The following TPST1 variants were observed in gnomAD, a reference collection of about 807,000 sequenced individuals.
TPST1 encodes protein-tyrosine sulfotransferase 1.
TPST1 carries 20 observed loss-of-function variants against 34.8 expected under a neutral mutation model. The observed-to-expected ratio is 0.57, with a 90% confidence interval of 0.40 to 0.84. TPST1 has a LOEUF of 0.84. TPST1 is among the 40% of genes least tolerant of loss of function. The pLI, the probability that TPST1 is intolerant of heterozygous loss-of-function variation, is 0.00. For synonymous variants in TPST1, 152 were observed against 159.4 expected (o/e 0.95, Z 0.35); for missense variants, 353 against 455.5 (o/e 0.78, Z 2.05).
chr7:66,314,323 C>T (rs1791591504), intron 3 of TPST1, among the ~76,000 whole-genome samples: 1 of 152,116 alleles, frequency 6.6e-6, no homozygotes, highest in Non-Finnish European at 1.5e-5. Flanking sequence ...TCGCTTAAGC[C>T]CAGGAACTCA....
At chr7:66,244,080 G>A (rs137968671) in intron 2 of TPST1, among the ~76,000 whole-genome samples, 3,906 of 151,352 alleles carry the variant, frequency 0.026, 71 homozygotes, top group Non-Finnish European at 0.034. Context: ...TCCTGAGTAG[G>A]TGGGACTATA....
intron 2 of TPST1, among the ~76,000 whole-genome samples, chr7:66,274,281 C>T (rs1790763326): frequency 6.6e-6 from 1 of 151,342 alleles, no homozygotes; most frequent in African/African-American, 2.4e-5. Flanking sequence ...AGGAGAATGG[C>T]GTGAACCCGG....
intron 3 of TPST1, among the ~76,000 whole-genome samples, chr7:66,333,742 C>T (rs1792040359): frequency 1.3e-5 from 2 of 152,238 alleles, no homozygotes; most frequent in African/African-American, 2.4e-5. Context: ...CCTTGGCAAA[C>T]CCTTGCAGCC....
chr7:66,311,751 T>G (rs1166237036), intron 3 of TPST1, among the ~76,000 whole-genome samples: 1 of 152,154 alleles, frequency 6.6e-6, no homozygotes, highest in East Asian at 1.9e-4. Flanking sequence ...GAGAAGAATT[T>G]TTACTGTGTT....
chr7:66,297,422 A>C (rs1344618021), intron 3 of TPST1, among the ~76,000 whole-genome samples: 1 of 152,212 alleles, frequency 6.6e-6, no homozygotes, highest in Non-Finnish European at 1.5e-5. Flanking sequence ...AGTGGGGATG[A>C]TGCTGTGCTC....
chr7:66,309,650 G>A (rs1177635142), intron 3 of TPST1, among the ~76,000 whole-genome samples: 5 of 152,168 alleles, frequency 3.3e-5, no homozygotes, highest in Non-Finnish European at 7.3e-5. Flanking sequence ...ATAAGGCACA[G>A]GAACTGTTGC....
intron 1 of TPST1, among the ~76,000 whole-genome samples, chr7:66,224,901 CTTTTTTTTT>C (rs780952403): frequency 1.6e-3 from 68 of 42,398 alleles, no homozygotes; most frequent in South Asian, 5.8e-3. Flanking sequence ...TTCTGGTATT[CTTTTTTTTT>C]TTTTTTTTTT....
At chr7:66,234,474 G>A (rs1011674417) in intron 1 of TPST1, among the ~76,000 whole-genome samples, 12 of 142,694 alleles carry the variant, frequency 8.4e-5, no homozygotes, top group Admixed American at 5.8e-4. Flanking sequence ...AGCATTTAAT[G>A]TTTCAGTGCC....
chr7:66,214,659 AT>A (rs1228274366), intron 1 of TPST1, among the ~76,000 whole-genome samples: 1 of 150,840 alleles, frequency 6.6e-6, no homozygotes, highest in East Asian at 1.9e-4. Context: ...CTATAAAAAA[AT>A]ATGAAAATTA....
At chr7:66,213,362 GT>G (rs2116231460) in intron 1 of TPST1, among the ~76,000 whole-genome samples, 1 of 152,114 alleles carries the variant, frequency 6.6e-6, no homozygotes, top group South Asian at 2.1e-4. Context: ...TATTTTGGTT[GT>G]TTTTCAGTTC....
At chr7:66,334,996 T>A (rs1458700747) in intron 3 of TPST1, among the ~76,000 whole-genome samples, 1 of 152,142 alleles carries the variant, frequency 6.6e-6, no homozygotes, top group African/African-American at 2.4e-5. Flanking sequence ...AGTATATGGA[T>A]CTTGCAGCTA....
At chr7:66,310,979 A>G (rs1791519818) in intron 3 of TPST1, among the ~76,000 whole-genome samples, 1 of 151,712 alleles carries the variant, frequency 6.6e-6, no homozygotes, top group Non-Finnish European at 1.5e-5. Flanking sequence ...GCATATAGGC[A>G]TGAGCCACTT....
chr7:66,352,430 C>A, intron 3 of TPST1, 75 bp from the exon 4 acceptor site: 1 of 1,555,976 alleles, frequency 6.4e-7, no homozygotes, highest in South Asian at 1.3e-5. Context: ...CGGCCACGGT[C>A]AGGCATGGCA....
chr7:66,258,381 T>C (rs1790420956), intron 2 of TPST1, among the ~76,000 whole-genome samples: 1 of 152,234 alleles, frequency 6.6e-6, no homozygotes, highest in Admixed American at 6.5e-5. Flanking sequence ...CCAGTATCAG[T>C]TCAAAGACTG....
chr7:66,302,819 G>A (rs182504186), intron 3 of TPST1, among the ~76,000 whole-genome samples: 1 of 152,344 alleles, frequency 6.6e-6, no homozygotes, highest in Non-Finnish European at 1.5e-5. Context: ...GAGAGCAGTG[G>A]TCTTTTGGGA....
chr7:66,231,853 GC>G (rs1270458811), intron 1 of TPST1, among the ~76,000 whole-genome samples: 1 of 152,260 alleles, frequency 6.6e-6, no homozygotes, highest in Non-Finnish European at 1.5e-5. Flanking sequence ...CAGAGGAGGC[GC>G]CCAGAGCGAG....
At chr7:66,239,507 G>A (rs1789982394) in intron 1 of TPST1, among the ~76,000 whole-genome samples, 1 of 152,176 alleles carries the variant, frequency 6.6e-6, no homozygotes, top group South Asian at 2.1e-4. Context: ...TATCTGGTCT[G>A]TAGTACCTAA....
At chr7:66,304,138 G>A (rs890244793) in intron 3 of TPST1, among the ~76,000 whole-genome samples, 38 of 152,166 alleles carry the variant, frequency 2.5e-4, no homozygotes, top group Admixed American at 1.3e-4. Context: ...AGGTCTGCAC[G>A]TTTTTTATTG....
intron 3 of TPST1, among the ~76,000 whole-genome samples, chr7:66,328,912 T>A (rs1364553235): frequency 6.1e-4 from 49 of 80,480 alleles, no homozygotes; most frequent in South Asian, 1.2e-3. Context: ...ATATATTTTT[T>A]TTTTTTTTTT....
Sources: gnomAD v4.1 joint callset for allele counts (sites outside exome capture counted in the v4.1 genomes callset) on GRCh38, gnomAD v4.1.1 for gene constraint, MANE v1.5 for transcripts, NCBI Gene and HGNC (gene_info 2026-07-23, HGNC 2026-07-21) for gene names.